Variants in ZNF346 observed in about 807,000 individuals in gnomAD.
ZNF346 encodes the protein double-stranded RNA-binding zinc finger protein JAZ.
In ZNF346, 23 loss-of-function variants were observed where a neutral mutation model predicts 33.7. The ratio of observed to expected loss-of-function variants is 0.68; its 90% CI spans 0.49 to 0.97. The LOEUF (loss-of-function observed/expected upper bound fraction) is 0.97, where lower values mean the gene tolerates loss of function less well. Ranked by LOEUF, ZNF346 falls within the 50% of genes least tolerant of loss-of-function variation. The pLI is 0.00. For synonymous variants in ZNF346, 134 were observed against 142.4 expected, an observed-to-expected ratio of 0.94 and a Z score of 0.42; for missense variants, 340 against 371.1, an observed-to-expected ratio of 0.92 and a Z score of 0.69.
chr5:177,038,655 G>A (rs1440914565), intron 1 of ZNF346, among the ~76,000 whole-genome samples: 1 of 151,732 alleles, frequency 6.6e-6, no homozygotes, highest in Non-Finnish European at 1.5e-5. Flanking sequence ...CAGCAGAGAG[G>A]TACATTTATT....
Position 177,028,721 on chromosome 5 carries a change from T to C in ZNF346, c.175+5808T>C, listed in dbSNP as rs1164431914. Among the ~76,000 whole-genome samples, 5 of 123,078 alleles carry C rather than the reference T, an allele frequency of 4.1e-5. No homozygotes were observed. In the East Asian group the frequency reaches 1.1e-3, roughly 28 times the overall value. 80.7% of individuals were successfully genotyped at this position (123,078 alleles called of 152,430 possible). ...CAAGCCCCTTTCTTTTTTTTTTTTT[T>C]TTTTTTTTTTTTTTATGAGATGGAG... is the stretch of plus-strand genomic sequence containing the variant. On this transcript the variant is annotated intron_variant, in intron 1 of 6. Transcript: ENST00000358149.
chr5:177,063,087 A>T (rs1386976189), intron 6 of ZNF346, among the ~76,000 whole-genome samples: 67 of 150,132 alleles, frequency 4.5e-4, no homozygotes, highest in African/African-American at 1.5e-3. Flanking sequence ...TTTAGTAGAG[A>T]TGGGGTTTCA....
intron 1 of ZNF346, among the ~76,000 whole-genome samples, chr5:177,039,331 A>G (rs1439724300): frequency 6.6e-6 from 1 of 152,092 alleles, no homozygotes; most frequent in Non-Finnish European, 1.5e-5. Context: ...ATAAAAAGAG[A>G]TCATTAGGGG....
intron 1 of ZNF346, chr5:177,023,130 TTCC>T (rs1372238457): frequency 2.7e-6 from 4 of 1,489,160 alleles, no homozygotes; most frequent in Non-Finnish European, 2.7e-6. Flanking sequence ...GCCCTGGGTT[TTCC>T]TCCTCCTCCT....
chr5:177,025,888 A>C (rs1776689099), intron 1 of ZNF346, among the ~76,000 whole-genome samples: 1 of 152,086 alleles, frequency 6.6e-6, no homozygotes, highest in South Asian at 2.1e-4. Context: ...GATTAAATTT[A>C]TCATTTTTTA....
chr5:177,050,604 AG>A, intron 4 of ZNF346, 146 bp from the exon 5 acceptor site: 1 of 758,794 alleles, frequency 1.3e-6, no homozygotes, highest in Non-Finnish European at 2.2e-6. Flanking sequence ...CATCTGCAGT[AG>A]GATTAACTGG....
At chr5:177,063,794 G>A (rs1410492005) in intron 6 of ZNF346, among the ~76,000 whole-genome samples, 4 of 152,124 alleles carry the variant, frequency 2.6e-5, no homozygotes, top group Non-Finnish European at 5.9e-5. Context: ...AGGCTGAAGT[G>A]GGAGAATAGC....
At chr5:177,054,830 A>C (rs17078748) in intron 5 of ZNF346, among the ~76,000 whole-genome samples, 22,714 of 152,160 alleles carry the variant, frequency 0.15, 3,304 homozygotes, top group African/African-American at 0.38. Context: ...TAATCTATTA[A>C]TCCAGAACAG....
Position 177,077,730 on chromosome 5 carries a change from GT to G in ZNF346, c.*3-1651del, listed in dbSNP as rs1039745083. The stretch of plus-strand genomic sequence containing the variant: ...CAAGGAGGAGTGTTGGTTTCATCCA[GT>G]CCCCCGTGGACTGCTAGTAGGGGAG... On this transcript the variant is annotated intron_variant, in intron 8 of 8. Transcript: ENST00000503039. The surrounding 1 kb of genome is among the most constrained non-coding windows in gnomAD (Gnocchi z 5.0). Among the ~76,000 whole-genome samples the G allele has an allele frequency of 5.3e-5, 8 of 152,200 alleles. No individual in the cohort carries two copies. Among genetic ancestry groups the G allele is most frequent in the African/African-American group, 1.9e-4 (8 of 41,454 alleles).
intron 1 of ZNF346, among the ~76,000 whole-genome samples, chr5:177,031,932 G>T (rs1447788821): frequency 1.5e-5 from 2 of 129,160 alleles, no homozygotes; most frequent in African/African-American, 2.8e-5. Context: ...ATTTCCATTT[G>T]TTTGTTTTAT....
chr5:177,032,416 CT>C (rs1031758266), intron 1 of ZNF346, among the ~76,000 whole-genome samples: 34 of 144,198 alleles, frequency 2.4e-4, no homozygotes, highest in South Asian at 4.4e-4. Context: ...CTGCACGCAG[CT>C]TTTTTTTTTT....
Position 177,043,188 on chromosome 5 carries a change from A to C in ZNF346, c.373-1201A>C, listed in dbSNP as rs568708660. ...TTTTTAAAAAATTTTTCGTAGAGAC[A>C]GGGTCTCGCTTTGTTGCCCAGGCTG... On this transcript the variant is annotated intron_variant, in intron 3 of 6. Transcript: ENST00000358149. 5.9e-5 allele frequency among the ~76,000 whole-genome samples: 9 copies of C among 152,060 alleles called. No homozygotes were observed. In the South Asian group the frequency reaches 1.9e-3, roughly 32 times the overall value.
chr5:177,050,806 T>C lies in ZNF346; in HGVS notation c.573T>C (p.His191=). Residue 191 remains histidine, a synonymous_variant, in exon 5 of 7, where the codon CAT becomes CAC. Coordinates refer to ENST00000358149, the MANE Select transcript of ZNF346 (RefSeq NM_012279.4). ...IDPDKFCSLC[H]ATFNDPVMAQ... The stretch of plus-strand genomic sequence containing the variant: ...CAGACAAGTTCTGCAGCCTCTGCCA[T>C]GCAACTTTCAACGACCCTGTCATGG... The C allele has an allele frequency of 6.2e-7, 1 of 1,614,178 alleles. No individual in the cohort carries two copies. The highest frequency in any genetic ancestry group is 1.7e-5 in the Admixed American group (1 of 60,010).
At chr5:177,034,689 A>T (rs1043631524) in intron 1 of ZNF346, among the ~76,000 whole-genome samples, 2 of 152,232 alleles carry the variant, frequency 1.3e-5, no homozygotes, top group Non-Finnish European at 2.9e-5. Context: ...GTGGATATAA[A>T]TTAAATCCTG....
In ZNF346 at chr5:177,067,648, T is replaced by C. The variant is rs1783289136; in HGVS notation, c.*3049T>C. 6.6e-6 allele frequency among the ~76,000 whole-genome samples: 1 copy of C among 152,192 alleles called. No homozygotes were observed. Among genetic ancestry groups the C allele is most frequent in the African/African-American group, 2.4e-5 (1 of 41,434 alleles). ...TAAAGGGACCTAGAGATGAACACTT[T>C]CTTGCCCTTAGGGGTTCACACACAG... On this transcript the variant is annotated 3_prime_UTR_variant, in exon 7 of 7. Transcript: ENST00000358149.
intron 1 of ZNF346, among the ~76,000 whole-genome samples, chr5:177,029,078 G>T (rs969395917): frequency 3.3e-5 from 5 of 152,082 alleles, no homozygotes; most frequent in Non-Finnish European, 7.4e-5. Context: ...TTTTTGAGAA[G>T]TCCCTAGATT....
chr5:177,058,086 G>A (rs968561585), intron 5 of ZNF346, among the ~76,000 whole-genome samples: 37 of 151,434 alleles, frequency 2.4e-4, no homozygotes, highest in African/African-American at 9.0e-4. Context: ...CTCCCAGAGT[G>A]CTGGGATTAC....
chr5:177,047,295 T>C lies in ZNF346; in HGVS notation c.517+2762T>C, dbSNP rs536458328. Among the ~76,000 whole-genome samples, 8 of 151,740 alleles carry C rather than the reference T, an allele frequency of 5.3e-5. No homozygotes were observed. The South Asian group carries it at 1.7e-3, about 31-fold the overall frequency. The stretch of plus-strand genomic sequence containing the variant: ...AACTCCTGGCCTCAAACAATGATCT[T>C]ACCGTATGGTATGTACAATTGCCTT... On this transcript the variant is annotated intron_variant, in intron 4 of 6. Transcript: ENST00000358149.
At chr5:177,048,992 G>A (rs1301489159) in intron 4 of ZNF346, among the ~76,000 whole-genome samples, 1 of 151,684 alleles carries the variant, frequency 6.6e-6, no homozygotes, top group Non-Finnish European at 1.5e-5. Context: ...CACCATGTTG[G>A]CCAGGCTGGT....
Sources: allele counts gnomAD v4.1 joint callset (sites outside exome capture counted in the v4.1 genomes callset), GRCh38; gene constraint gnomAD v4.1.1; non-coding constraint Gnocchi (gnomAD v3.1); transcripts MANE v1.5; gene names NCBI Gene and HGNC (gene_info 2026-07-23, HGNC 2026-07-21).